The following TRHDE variants were observed in gnomAD, a reference collection of about 807,000 sequenced individuals.
The protein encoded by TRHDE is thyrotropin-releasing hormone-degrading ectoenzyme.
TRHDE carries 72 observed loss-of-function variants against 125.7 expected under a neutral mutation model. The ratio of observed to expected loss-of-function variants is 0.57; its 90% CI spans 0.47 to 0.70. The LOEUF (loss-of-function observed/expected upper bound fraction) is 0.70, where lower values mean the gene tolerates loss of function less well. Ranked by LOEUF, TRHDE falls within the 30% of genes least tolerant of loss-of-function variation. The pLI, the probability that TRHDE is intolerant of heterozygous loss-of-function variation, is 0.00. For synonymous variants in TRHDE, 509 were observed against 509.1 expected (o/e 1.00, Z 0.00); for missense variants, 1,110 against 1,327.1 (o/e 0.84, Z 2.54).
At chr12:72,264,485 A>T (rs1190064522) in intron 2 of TRHDE, 1 of 152,044 alleles carries the variant, frequency 6.6e-6, no homozygotes, top group Non-Finnish European at 1.5e-5. Context: ...CACTTACGTT[A>T]TGCAAGATAA....
At chr12:72,443,008 C>G (rs1174605552) in intron 3 of TRHDE, among the ~76,000 whole-genome samples, 1 of 151,838 alleles carries the variant, frequency 6.6e-6, no homozygotes, top group Non-Finnish European at 1.5e-5. Flanking sequence ...TTCTCTTGCA[C>G]TCTTCATTGG....
intron 2 of TRHDE, among the ~76,000 whole-genome samples, chr12:72,176,781 AAG>A: frequency 6.6e-6 from 1 of 152,214 alleles, no homozygotes; most frequent in Admixed American, 6.5e-5. Flanking sequence ...TGACTTTTAA[AAG>A]AGTTACTTCT....
chr12:72,310,303 T>TATA (rs1246108939), intron 2 of TRHDE, among the ~76,000 whole-genome samples: 1 of 152,258 alleles, frequency 6.6e-6, no homozygotes, highest in African/African-American at 2.4e-5. Flanking sequence ...CTTGTATTAT[T>TATA]ATAAGTCGGT....
chr12:72,376,593 A>T (rs1871892729), intron 2 of TRHDE, among the ~76,000 whole-genome samples: 1 of 152,200 alleles, frequency 6.6e-6, no homozygotes. Context: ...TTGTTGTAGA[A>T]TTTAGTAAAT....
rs543064197 is a variant in TRHDE, at chr12:72,470,434, T to A, written c.1470+522T>A. On this transcript the variant is annotated intron_variant, in intron 4 of 18. Transcript: ENST00000261180. ...ATGATTGATATTTTTTGTCTTGGCATGTTTAGAAATTCATATGTAAATTTG... is the reference window on the plus strand; with the variant it reads ...ATGATTGATATTTTTTGTCTTGGCAAGTTTAGAAATTCATATGTAAATTTG... 1.1e-4 allele frequency among the ~76,000 whole-genome samples: 17 copies of A among 152,366 alleles called. No homozygotes were observed. In the South Asian group the frequency reaches 3.5e-3, roughly 32 times the overall value.
intron 2 of TRHDE, among the ~76,000 whole-genome samples, chr12:72,287,722 ATT>A (rs1879943363): frequency 6.6e-6 from 1 of 152,068 alleles, no homozygotes; most frequent in Non-Finnish European, 1.5e-5. Flanking sequence ...TAGAGGGAGC[ATT>A]GTCTGCATTA....
At chr12:72,533,603 C>T (rs1265597320) in intron 6 of TRHDE, among the ~76,000 whole-genome samples, 1 of 150,750 alleles carries the variant, frequency 6.6e-6, no homozygotes, top group South Asian at 2.1e-4. Flanking sequence ...TTTTATTCTC[C>T]TTTTCTTCTT....
chr12:72,481,493 A>G (rs539600895), intron 5 of TRHDE, among the ~76,000 whole-genome samples: 1 of 151,388 alleles, frequency 6.6e-6, no homozygotes, highest in East Asian at 1.9e-4. Context: ...CACTTTACAT[A>G]TATTAATTCA....
At chr12:72,130,163 G>A (rs1158943685) in intron 2 of TRHDE, among the ~76,000 whole-genome samples, 2 of 152,154 alleles carry the variant, frequency 1.3e-5, no homozygotes, top group Non-Finnish European at 1.5e-5. Flanking sequence ...AGCCAGGCGC[G>A]GTGGTGGGTG....
At chr12:72,426,154 A>G (rs1254110957) in intron 3 of TRHDE, among the ~76,000 whole-genome samples, 1 of 152,140 alleles carries the variant, frequency 6.6e-6, no homozygotes, top group Non-Finnish European at 1.5e-5. Context: ...AGTATGTGGT[A>G]ACATGTTATT....
intron 2 of TRHDE, among the ~76,000 whole-genome samples, chr12:72,106,031 T>C (rs929068469): frequency 6.6e-6 from 1 of 152,114 alleles, no homozygotes; most frequent in African/African-American, 2.4e-5. Flanking sequence ...AACATTAATG[T>C]ATTGCTGGTG....
rs377628218 is a variant in TRHDE at position 72,420,205 on chromosome 12, G to T, written c.1315+42084G>T. Among the ~76,000 whole-genome samples, 7 of 152,270 alleles carry T rather than the reference G, an allele frequency of 4.6e-5. No homozygotes were observed. In the South Asian group the frequency reaches 1.5e-3, roughly 32 times the overall value. On this transcript the variant is annotated intron_variant, in intron 3 of 18. Transcript: ENST00000261180. ...GATCAATACTAAAATTAGATTGAAT[G>T]CAGTTGATCGTCTCTAGTTTAGAAC...
intron 9 of TRHDE, among the ~76,000 whole-genome samples, chr12:72,567,655 T>G (rs1294083220): frequency 6.6e-6 from 1 of 152,026 alleles, no homozygotes; most frequent in Non-Finnish European, 1.5e-5. Flanking sequence ...ATATCTTGTC[T>G]TACATTTCTA....
rs111542241 is a variant in TRHDE, at chr12:72,188,762, T to C, written n.279+83010T>C. ...AAAAAAAATCAGAATAAATTAAGCA[T>C]TTTGGAAAAGACTTAGGGAAGGGGA... On this transcript the variant is annotated intron_variant and non_coding_transcript_variant, in intron 2 of 4. Coordinates refer to the TRHDE transcript ENST00000548156. 4.6e-3 allele frequency among the ~76,000 whole-genome samples: 706 copies of C among 152,352 alleles called. 8 individuals are homozygous for C. Among genetic ancestry groups the C allele is most frequent in the East Asian group, 0.017 (88 of 5,188 alleles).
At chr12:72,455,567 TTA>T (rs1875803834) in intron 3 of TRHDE, among the ~76,000 whole-genome samples, 1 of 152,124 alleles carries the variant, frequency 6.6e-6, no homozygotes, top group South Asian at 2.1e-4. Flanking sequence ...ATGGATGGAT[TTA>T]TGTTTCCAGT....
chr12:72,131,399 A>G (rs936317099), intron 2 of TRHDE, among the ~76,000 whole-genome samples: 1 of 152,038 alleles, frequency 6.6e-6, no homozygotes, highest in African/African-American at 2.4e-5. Flanking sequence ...AAGTTTACCA[A>G]AAATTATATT....
chr12:72,208,787 C>T (rs1877720094), intron 2 of TRHDE, among the ~76,000 whole-genome samples: 1 of 152,116 alleles, frequency 6.6e-6, no homozygotes, highest in Admixed American at 6.5e-5. Flanking sequence ...ATTCTATATC[C>T]ATGCCTTAAT....
chr12:72,621,546 A>G, intron 14 of TRHDE, 98 bp from the exon 15 acceptor site: 2 of 931,956 alleles, frequency 2.1e-6, no homozygotes, highest in Non-Finnish European at 3.2e-6. Flanking sequence ...TTCCAGATCT[A>G]AAAACCATTT....
At chr12:72,364,044 G>T (rs903514848) in intron 2 of TRHDE, among the ~76,000 whole-genome samples, 4 of 151,978 alleles carry the variant, frequency 2.6e-5, no homozygotes, top group Non-Finnish European at 5.9e-5. Flanking sequence ...GAATAAAATA[G>T]CTAGGAAGCC....
Sources: allele counts gnomAD v4.1 joint callset (sites outside exome capture counted in the v4.1 genomes callset), GRCh38; gene constraint gnomAD v4.1.1; transcripts MANE v1.5; gene names NCBI Gene and HGNC (gene_info 2026-07-23, HGNC 2026-07-21).